C1D: variants seen among roughly 807,000 people sequenced by gnomAD.
The protein encoded by C1D is C1D nuclear receptor corepressor.
Under a neutral mutation model 17.5 loss-of-function variants are expected in C1D, and 10 were observed. The ratio of observed to expected loss-of-function variants is 0.57; its 90% CI spans 0.35 to 0.97. The LOEUF (loss-of-function observed/expected upper bound fraction) is 0.97, where lower values mean the gene tolerates loss of function less well. Ranked by LOEUF, C1D falls within the 50% of genes least tolerant of loss-of-function variation. The probability of loss-of-function intolerance (pLI) is 0.01; values close to 1 mark genes in which losing one functional copy is unlikely to be tolerated. For synonymous variants in C1D, 49 were observed against 54.0 expected, an observed-to-expected ratio of 0.91 and a Z score of 0.40; for missense variants, 136 against 160.1, an observed-to-expected ratio of 0.85 and a Z score of 0.81.
chr2:68,056,122 G>A (rs1214922158), intron 1 of C1D, among the ~76,000 whole-genome samples: 1 of 152,146 alleles, frequency 6.6e-6, no homozygotes, highest in East Asian at 1.9e-4. Context: ...TATTTCAAGA[G>A]TATCACAAAA....
intron 1 of C1D, among the ~76,000 whole-genome samples, chr2:68,061,896 A>G (rs1671640269): frequency 6.6e-6 from 1 of 152,250 alleles, no homozygotes; most frequent in Non-Finnish European, 1.5e-5. Flanking sequence ...CTTTTGACTG[A>G]GAATTTTATT....
chr2:68,045,957 C>A, intron 4 of C1D, 31 bp downstream of exon 4: 10 of 1,444,886 alleles, frequency 6.9e-6, no homozygotes, highest in Non-Finnish European at 8.6e-6. Context: ...CAACAACAAA[C>A]ACATAAAATA....
intron 4 of C1D, among the ~76,000 whole-genome samples, chr2:68,044,715 G>GA (rs1025623750): frequency 4.7e-5 from 7 of 148,486 alleles, no homozygotes; most frequent in Admixed American, 6.7e-5. Flanking sequence ...CTCAAAAAAA[G>GA]AAAAAAAAAG....
chr2:68,050,992 C>T (rs1671263292), intron 1 of C1D, among the ~76,000 whole-genome samples: 1 of 152,166 alleles, frequency 6.6e-6, no homozygotes, highest in South Asian at 2.1e-4. Context: ...TTAATACACA[C>T]CCAGAATCTA....
chr2:68,057,183 G>C (rs541786606), intron 1 of C1D, among the ~76,000 whole-genome samples: 1 of 152,034 alleles, frequency 6.6e-6, no homozygotes, highest in African/African-American at 2.4e-5. Flanking sequence ...TCAAAGTTTC[G>C]TTCTTGTTGC....
intron 1 of C1D, among the ~76,000 whole-genome samples, chr2:68,048,114 A>G (rs1671183982): frequency 6.6e-6 from 1 of 152,156 alleles, no homozygotes; most frequent in South Asian, 2.1e-4. Flanking sequence ...ATAAGCAGAA[A>G]AGAGGAAACT....
Position 68,041,154 on chromosome 2 carries a change from G to A in C1D, c.*1735C>T, listed in dbSNP as rs553455368. The A allele has an allele frequency of 1.3e-5, 2 of 151,886 alleles. No individual in the cohort carries two copies. The highest frequency in any genetic ancestry group is 2.1e-4 in the South Asian group (1 of 4,820). 9.4% of individuals were successfully genotyped at this position (151,886 alleles called of 1,614,324 possible). ...CTACAGCCATTCAGCTCCTTATTAC[G>A]TGCTAAGTATTTAAAATTATACATA... On this transcript the variant is annotated 3_prime_UTR_variant, in exon 5 of 5. Transcript: ENST00000410067.
In C1D at chr2:68,042,939, T is replaced by C; in HGVS notation, c.376A>G (p.Lys126Glu). 6.2e-7 allele frequency: 1 copy of C among 1,610,182 alleles called. No individual in the cohort carries two copies. The highest frequency in any genetic ancestry group is 8.5e-7 in the Non-Finnish European group (1 of 1,177,832). ...GCAACTTTTGATGCATTTTTCGATT[T>C]TGGTTCCCAGAGGGCATTTTTTACA... ...RFVKNALWEP[K>E]SKNASKVANK... The change falls in exon 5 of 5, where the codon AAA (lysine) becomes GAA (glutamate). Residue 126 changes from lysine (K) to glutamate (E), a missense_variant. By Grantham distance (56) the Lys-to-Glu change is moderately conservative (BLOSUM62 1). Transcript: ENST00000410067.
At chr2:68,057,104 A>T (rs1404300076) in intron 1 of C1D, among the ~76,000 whole-genome samples, 1 of 152,250 alleles carries the variant, frequency 6.6e-6, no homozygotes, top group East Asian at 1.9e-4. Flanking sequence ...TTCCTAAGAT[A>T]TATTAAGTGA....
chr2:68,051,325 C>G (rs539432893), intron 1 of C1D, among the ~76,000 whole-genome samples: 41 of 152,182 alleles, frequency 2.7e-4, no homozygotes, highest in Non-Finnish European at 4.9e-4. Flanking sequence ...TCGAGACCAA[C>G]CTGGGCAACA....
intron 1 of C1D, among the ~76,000 whole-genome samples, chr2:68,054,668 A>G (rs574601091): frequency 9.2e-5 from 14 of 152,310 alleles, no homozygotes; most frequent in African/African-American, 3.4e-4. Context: ...GAAACATTAA[A>G]AAGACAATCA....
chr2:68,050,928 T>C (rs1188873364), intron 1 of C1D, among the ~76,000 whole-genome samples: 1 of 152,184 alleles, frequency 6.6e-6, no homozygotes, highest in East Asian at 1.9e-4. Context: ...ACTTTCCAAT[T>C]GTTCAGTCCC....
rs756860117 is a variant in C1D at position 68,046,034 on chromosome 2, G to T, written c.215C>A (p.Ala72Glu). The T allele has an allele frequency of 6.3e-7, 1 of 1,585,252 alleles. No individual in the cohort carries two copies. Among genetic ancestry groups the T allele is most frequent in the South Asian group, 1.2e-5 (1 of 86,234 alleles). The part of the protein sequence containing the change: ...TLNSMFWVYL[A>E]TQGVNPKEHP... ...TTCCTTAGGATTAACTCCTTGGGTTGCCAAATAAACTACAAGAGAAAAATT... is the reference window on the plus strand; with the variant it reads ...TTCCTTAGGATTAACTCCTTGGGTTTCCAAATAAACTACAAGAGAAAAATT... The change falls in exon 4 of 5, where the codon GCA (alanine) becomes GAA (glutamate). Residue 72 changes from alanine to glutamate, a missense_variant. By Grantham distance (107) the Ala-to-Glu change is moderately radical. Transcript: ENST00000410067.
At chr2:68,059,591 A>G (rs1671561319) in intron 1 of C1D, among the ~76,000 whole-genome samples, 1 of 152,118 alleles carries the variant, frequency 6.6e-6, no homozygotes, top group Non-Finnish European at 1.5e-5. Context: ...ATATCTATCA[A>G]TAACACTCCT....
At chr2:68,055,430 T>C (rs752817988) in intron 1 of C1D, among the ~76,000 whole-genome samples, 2 of 151,260 alleles carry the variant, frequency 1.3e-5, no homozygotes, top group Non-Finnish European at 2.9e-5. Context: ...TACAGTACTC[T>C]ACAGGATAAC....
chr2:68,049,600 T>TA lies in C1D; in HGVS notation c.-9-2282dup, dbSNP rs200564002. On this transcript the variant is annotated intron_variant, in intron 1 of 4. Transcript: ENST00000410067. ...AAAGACCTACCCTACAAAGAGGTTCTAGTCCTAGATTTTACAGGTAATTTC... is the reference window on the plus strand; with the variant it reads ...AAAGACCTACCCTACAAAGAGGTTCTAAGTCCTAGATTTTACAGGTAATTTC... 9.6e-3 allele frequency among the ~76,000 whole-genome samples: 1,461 copies of TA among 152,350 alleles called. 28 individuals are homozygous for TA. The highest frequency in any genetic ancestry group is 0.033 in the African/African-American group (1,363 of 41,592).
intron 1 of C1D, among the ~76,000 whole-genome samples, chr2:68,052,531 C>T (rs1025263134): frequency 1.3e-5 from 2 of 152,078 alleles, no homozygotes; most frequent in Non-Finnish European, 2.9e-5. Context: ...TTCAGAAGAA[C>T]ATAGTAGAGA....
At chr2:68,052,317 G>T (rs2103806111) in intron 1 of C1D, among the ~76,000 whole-genome samples, 1 of 152,184 alleles carries the variant, frequency 6.6e-6, no homozygotes, top group East Asian at 1.9e-4. Flanking sequence ...GTTCAAAGCA[G>T]ACTCATTTTT....
chr2:68,048,790 C>T (rs1168326688), intron 1 of C1D, among the ~76,000 whole-genome samples: 1 of 152,096 alleles, frequency 6.6e-6, no homozygotes, highest in Non-Finnish European at 1.5e-5. Context: ...CATCCCTCCC[C>T]AAATCCCTAC....
Sources: gnomAD v4.1 joint callset for allele counts (sites outside exome capture counted in the v4.1 genomes callset) on GRCh38, gnomAD v4.1.1 for gene constraint, MANE v1.5 for transcripts, NCBI Gene and HGNC (gene_info 2026-07-23, HGNC 2026-07-21) for gene names.